PXDC1: variants seen among roughly 807,000 people sequenced by gnomAD.
The protein encoded by PXDC1 is PX domain-containing protein 1.
In PXDC1, 13 loss-of-function variants were observed where a neutral mutation model predicts 24.4. The ratio of observed to expected loss-of-function variants is 0.53; its 90% CI spans 0.35 to 0.85. PXDC1 has a LOEUF of 0.85. PXDC1 is among the 40% of genes least tolerant of loss of function. PXDC1 has a pLI of 0.01. For missense variants in PXDC1, 344 were observed against 309.3 expected (o/e 1.11, Z -0.84); for synonymous variants, 162 against 124.9 (o/e 1.30, Z -1.98).
chr6:3,738,816 C>T (rs1010211942), intron 1 of PXDC1: 21 of 1,303,254 alleles, frequency 1.6e-5, no homozygotes, highest in Non-Finnish European at 2.1e-5. Context: ...GGCATGAAGG[C>T]TCGGGTGCTT....
rs1403529312 is a variant in PXDC1, at chr6:3,728,837, C to A, written c.467-1175G>T. Among the ~76,000 whole-genome samples the A allele has an allele frequency of 6.6e-6, 1 of 152,178 alleles. No individual in the cohort carries two copies. Among genetic ancestry groups the A allele is most frequent in the East Asian group, 1.9e-4 (1 of 5,200 alleles). On this transcript the variant is annotated intron_variant, in intron 3 of 4. Coordinates refer to ENST00000380283, the MANE Select transcript of PXDC1 (RefSeq NM_183373.4). This position sits in a 1 kb window ranked among gnomAD's most constrained non-coding sequence, Gnocchi z 4.0. ...CGCTCAGCAGATGAGATCTGGTAGC[C>A]ATGGCCAGTTCTTGGAGCTAAAGTC...
chr6:3,726,153 G>A (rs1459069574), intron 4 of PXDC1, among the ~76,000 whole-genome samples: 2 of 152,192 alleles, frequency 1.3e-5, no homozygotes. Flanking sequence ...AAACACTGCA[G>A]ACTCAGAGCC....
At chr6:3,749,252 A>C (rs1760643015) in intron 1 of PXDC1, among the ~76,000 whole-genome samples, 1 of 150,524 alleles carries the variant, frequency 6.6e-6, no homozygotes. Context: ...CAACAGTTCC[A>C]CGGTGTGCTG....
Position 3,727,576 on chromosome 6 carries a change from G to A in PXDC1, c.553C>T (p.Leu185=), listed in dbSNP as rs1760095312. Residue 185 remains leucine, a synonymous_variant, in exon 4 of 5, where the codon CTG becomes TTG. Coordinates refer to ENST00000380283, the MANE Select transcript of PXDC1 (RefSeq NM_183373.4). ...HSIPNGRDQQ[L]GVDPTEHLFE... ...AAATGCTCTGTTGGGTCCACGCCCA[G>A]CTGCTGGTCTCTTCCATTTGGTATA... 3 of 1,611,872 alleles carry A rather than the reference G, an allele frequency of 1.9e-6. No individual in the cohort carries two copies. The highest frequency in any genetic ancestry group is 2.2e-5 in the South Asian group (2 of 91,006).
chr6:3,723,335 C>T lies in PXDC1; in HGVS notation c.*284G>A, dbSNP rs375553936. The T allele has an allele frequency of 2.5e-4, 111 of 451,424 alleles. No homozygotes were observed. In the East Asian group the frequency reaches 2.6e-3, roughly 11 times the overall value. The allele number at this position is 451,424 out of a possible 1,614,324, so 28.0% of individuals were successfully genotyped here. A position where few individuals can be genotyped will look rare whatever the true frequency, so the allele number is the denominator to read the frequency against. On this transcript the variant is annotated 3_prime_UTR_variant, in exon 5 of 5. Transcript: ENST00000380283. ...AGGAACTGTCCCTGCCCTGGCAGTGCGCAGCCCTGTGGGCACCAAGCAGGG... is the reference window on the plus strand; with the variant it reads ...AGGAACTGTCCCTGCCCTGGCAGTGTGCAGCCCTGTGGGCACCAAGCAGGG...
Position 3,751,453 on chromosome 6 carries a change from G to T in PXDC1, c.79C>A (p.Leu27Ile). Residue 27 changes from leucine (L) to isoleucine (I), a missense_variant, in exon 1 of 5, where the codon CTC (leucine) becomes ATC (isoleucine). Transcript: ENST00000380283. Reference sequence around the variant, plus strand: ...TCGTCGCCGCGCCGGCTGACGATGAGCCTGCGGATGCCGTTCACCCAGCAG... The same window carrying T: ...TCGTCGCCGCGCCGGCTGACGATGATCCTGCGGATGCCGTTCACCCAGCAG... ...RGCWVNGIRR[L>I]IVSRRGDEEE... 1 of 1,601,160 alleles carries T rather than the reference G, an allele frequency of 6.2e-7. No homozygotes were observed. The highest frequency in any genetic ancestry group is 8.5e-7 in the Non-Finnish European group (1 of 1,175,148).
At chr6:3,739,454 C>T (rs1464955634) in intron 1 of PXDC1, among the ~76,000 whole-genome samples, 2 of 152,276 alleles carry the variant, frequency 1.3e-5, no homozygotes, top group Admixed American at 1.3e-4. Context: ...ATCCTGCCCC[C>T]TCCACTGACC....
intron 3 of PXDC1, among the ~76,000 whole-genome samples, chr6:3,736,215 T>A (rs191545246): frequency 6.6e-6 from 1 of 152,164 alleles, no homozygotes; most frequent in Non-Finnish European, 1.5e-5. Flanking sequence ...TCCCTTGACA[T>A]CCTTCTGAGT....
At chr6:3,734,935 A>T (rs1760282594) in intron 3 of PXDC1, among the ~76,000 whole-genome samples, 1 of 151,974 alleles carries the variant, frequency 6.6e-6, no homozygotes. Context: ...AAATACAAAA[A>T]CTAGCCTGGC....
intron 1 of PXDC1, among the ~76,000 whole-genome samples, chr6:3,745,000 T>C (rs1209914461): frequency 6.6e-6 from 1 of 152,234 alleles, no homozygotes; most frequent in African/African-American, 2.4e-5. Context: ...GCGGCAGCCA[T>C]TCTTTCTTAG....
rs546383950 is a variant in PXDC1 at position 3,726,836 on chromosome 6, T to C, written c.578+715A>G. Among the ~76,000 whole-genome samples, 32 of 152,350 alleles carry C rather than the reference T, an allele frequency of 2.1e-4. No homozygotes were observed. In the South Asian group the frequency reaches 2.7e-3, roughly 13 times the overall value. On this transcript the variant is annotated intron_variant, in intron 4 of 4. Coordinates refer to ENST00000380283, the MANE Select transcript of PXDC1 (RefSeq NM_183373.4). ...AGCGGGATGTTTTACACTCACCATC[T>C]GTGGTCTTCAACACAACCCGTGGTG... is the stretch of plus-strand genomic sequence containing the variant.
At chr6:3,750,942 C>T (rs895120245) in intron 1 of PXDC1, among the ~76,000 whole-genome samples, 1 of 151,972 alleles carries the variant, frequency 6.6e-6, no homozygotes, top group Non-Finnish European at 1.5e-5. Flanking sequence ...CCGGGCCGAC[C>T]CTGTGAGCCG....
chr6:3,734,572 G>C (rs1046391302), intron 3 of PXDC1, among the ~76,000 whole-genome samples: 4 of 151,908 alleles, frequency 2.6e-5, no homozygotes, highest in African/African-American at 4.8e-5. Context: ...TAGACACCCA[G>C]CCAGGAAAAA....
chr6:3,748,387 C>G (rs1760616356), intron 1 of PXDC1, among the ~76,000 whole-genome samples: 1 of 152,062 alleles, frequency 6.6e-6, no homozygotes, highest in African/African-American at 2.4e-5. Flanking sequence ...GGAGAGAGGA[C>G]AGAAGCTGGG....
rs960511935 is a variant in PXDC1 at position 3,724,267 on chromosome 6, C to T, written c.579-531G>A. 2.0e-5 allele frequency among the ~76,000 whole-genome samples: 3 copies of T among 152,126 alleles called. No individual in the cohort carries two copies. Among genetic ancestry groups the T allele is most frequent in the African/African-American group, 7.2e-5 (3 of 41,434 alleles). ...AGACACCTTCTAGCGGGGAAGCCTG[C>T]ATGTGGGTACGTGTTTCATTCGCGC... On this transcript the variant is annotated intron_variant, in intron 4 of 4. Transcript: ENST00000380283. This position sits in a 1 kb window ranked among gnomAD's most constrained non-coding sequence, Gnocchi z 4.5.
intron 1 of PXDC1, among the ~76,000 whole-genome samples, chr6:3,750,709 T>C (rs1338950692): frequency 2.6e-5 from 4 of 152,048 alleles, no homozygotes; most frequent in Admixed American, 2.6e-4. Flanking sequence ...GCCCTGGCTG[T>C]CCGCGGCAGC....
rs1760377412 is a variant in PXDC1, at chr6:3,738,407, G to GTTA, written c.257-260_257-259insTAA. ...TCAATCTGAAAAGGGGATGGGAGGT[G>GTTA]TAAGATCCCTCCAAGTGGGGCAGCC... On this transcript the variant is annotated intron_variant, in intron 1 of 4. Transcript: ENST00000380283. 2.6e-5 allele frequency among the ~76,000 whole-genome samples: 4 copies of GTTA among 152,186 alleles called. 1 individual carries two copies. In the South Asian group the frequency reaches 8.3e-4, roughly 32 times the overall value.
chr6:3,723,598 G>A lies in PXDC1; in HGVS notation c.*21C>T, dbSNP rs368361124. On this transcript the variant is annotated 3_prime_UTR_variant, in exon 5 of 5. Coordinates refer to ENST00000380283, the MANE Select transcript of PXDC1 (RefSeq NM_183373.4). ...GAGCTGGCAGTGAACAGCTGAGGCG[G>A]GGGAGGCCTGATAGAGAGGTTCAGT... 8.6e-5 allele frequency: 134 copies of A among 1,558,882 alleles called. No individual in the cohort carries two copies. The African/African-American group carries it at 1.6e-3, about 19-fold the overall frequency.
chr6:3,748,814 G>C (rs1415410438), intron 1 of PXDC1, among the ~76,000 whole-genome samples: 1 of 152,208 alleles, frequency 6.6e-6, no homozygotes, highest in Non-Finnish European at 1.5e-5. Context: ...ACCCGTCCCA[G>C]AAACAGTTCA....
Sources: allele counts gnomAD v4.1 joint callset (sites outside exome capture counted in the v4.1 genomes callset), GRCh38; gene constraint gnomAD v4.1.1; non-coding constraint Gnocchi (gnomAD v3.1); transcripts MANE v1.5; gene names NCBI Gene and HGNC (gene_info 2026-07-23, HGNC 2026-07-21).